Variants in HECA observed in about 807,000 individuals in gnomAD.
HECA encodes HECA ribonucleoprotein granule regulator.
HECA carries 13 observed loss-of-function variants against 37.6 expected under a neutral mutation model. The ratio of observed to expected loss-of-function variants is 0.35; its 90% CI spans 0.23 to 0.55. HECA has a LOEUF of 0.55. HECA is among the 20% of genes least tolerant of loss of function. HECA has a pLI of 0.90. For synonymous variants in HECA, 307 were observed against 291.5 expected (o/e 1.05, Z -0.54); for missense variants, 527 against 701.9 (o/e 0.75, Z 2.82).
chr6:139,141,690 C>T (rs1297456726), intron 1 of HECA, among the ~76,000 whole-genome samples: 1 of 151,878 alleles, frequency 6.6e-6, no homozygotes, highest in Non-Finnish European at 1.5e-5. Flanking sequence ...GAACTTGTTC[C>T]TTCAAGCACT....
intron 1 of HECA, among the ~76,000 whole-genome samples, chr6:139,163,419 A>G (rs9484241): frequency 0.094 from 14,150 of 150,756 alleles, 989 homozygotes; most frequent in Admixed American, 0.19. Flanking sequence ...CAGTGGCACA[A>G]TCTCTACTCA....
rs917078350 is a variant in HECA, at chr6:139,167,209, C to T, written c.1197C>T (p.Ala399=). The T allele has an allele frequency of 1.9e-6, 3 of 1,613,994 alleles. No individual in the cohort carries two copies. The highest frequency in any genetic ancestry group is 1.7e-6 in the Non-Finnish European group (2 of 1,180,030). ...GCCACAGAAACGTGGTAAACTGTGC[C>T]CTGTGCCACCGGGCGCTCCCGGTGT... ...SASHRNVVNC[A]LCHRALPVFE... Residue 399 remains alanine, a synonymous_variant, in exon 2 of 4, where the codon GCC becomes GCT. Transcript: ENST00000367658.
At chr6:139,155,527 T>C (rs1259619557) in intron 1 of HECA, 3 of 152,218 alleles carry the variant, frequency 2.0e-5, no homozygotes, top group Non-Finnish European at 4.4e-5. Flanking sequence ...ACGGAGTTCA[T>C]TGTTGAATCA....
In HECA at chr6:139,135,377, C is replaced by A. The variant is rs752281828; in HGVS notation, c.-20C>A. 28 of 1,353,064 alleles carry A rather than the reference C, an allele frequency of 2.1e-5. No homozygotes were observed. In the African/African-American group the frequency reaches 4.2e-4, roughly 20 times the overall value. 83.8% of individuals were successfully genotyped at this position (1,353,064 alleles called of 1,614,324 possible). The stretch of plus-strand genomic sequence containing the variant: ...CGCCTTCGCTGACGCCGGGCACCTA[C>A]CTGGACGCGAGCGAGCGAGATGCCC... On this transcript the variant is annotated 5_prime_UTR_variant, in exon 1 of 4. Transcript: ENST00000367658.
rs1185930799 is a variant in HECA, at chr6:139,166,393, C to T, written c.381C>T (p.Thr127=). 6.2e-7 allele frequency: 1 copy of T among 1,614,218 alleles called. No individual in the cohort carries two copies. The highest frequency in any genetic ancestry group is 2.2e-5 in the East Asian group (1 of 44,884). ...ACAACGAGCACTGCCCCTGCAGCAC[C>T]TGGATGCACCTGCAGTGCTTCTACG... ...VCNNEHCPCS[T]WMHLQCFYEW... is the part of the protein sequence containing the mutation. Residue 127 remains threonine (T), a synonymous_variant, in exon 2 of 4, where the codon ACC becomes ACT. Coordinates refer to ENST00000367658, the MANE Select transcript of HECA (RefSeq NM_016217.3).
chr6:139,173,340 G>A (rs1283760008), intron 2 of HECA, among the ~76,000 whole-genome samples: 1 of 152,154 alleles, frequency 6.6e-6, no homozygotes. Flanking sequence ...GAGTCTACAA[G>A]GATGACTAAG....
chr6:139,151,495 C>T (rs1210451211), intron 1 of HECA, among the ~76,000 whole-genome samples: 1 of 152,124 alleles, frequency 6.6e-6, no homozygotes, highest in Non-Finnish European at 1.5e-5. Context: ...TTTTCTGCTA[C>T]TTAATTTGAT....
chr6:139,144,291 C>G (rs1048675643), intron 1 of HECA: 1 of 152,142 alleles, frequency 6.6e-6, no homozygotes, highest in Non-Finnish European at 1.5e-5. Context: ...GAATCCATAC[C>G]ATCAAGGGCT....
intron 1 of HECA, among the ~76,000 whole-genome samples, chr6:139,145,790 G>A (rs1036222247): frequency 2.0e-5 from 3 of 152,158 alleles, no homozygotes; most frequent in Admixed American, 1.3e-4. Context: ...ATAAGTGGGC[G>A]TTTAGGAGAA....
chr6:139,153,679 A>G (rs1562244830), intron 1 of HECA, among the ~76,000 whole-genome samples: 1 of 152,118 alleles, frequency 6.6e-6, no homozygotes, highest in Non-Finnish European at 1.5e-5. Flanking sequence ...TCAGCCTCCC[A>G]AAGTGCTGGG....
At chr6:139,156,470 A>G (rs888368586) in intron 1 of HECA, among the ~76,000 whole-genome samples, 1 of 152,194 alleles carries the variant, frequency 6.6e-6, no homozygotes, top group Non-Finnish European at 1.5e-5. Context: ...TTGGCCTCTT[A>G]AAATGCTGGA....
intron 1 of HECA, among the ~76,000 whole-genome samples, chr6:139,150,459 G>A (rs1469495390): frequency 7.9e-6 from 1 of 126,402 alleles, no homozygotes; most frequent in Admixed American, 8.0e-5. Flanking sequence ...ATGACTTTGG[G>A]GGTGAGAGTG....
At chr6:139,164,770 A>C (rs1178985991) in intron 1 of HECA, among the ~76,000 whole-genome samples, 1 of 151,968 alleles carries the variant, frequency 6.6e-6, no homozygotes, top group Non-Finnish European at 1.5e-5. Context: ...CCCAGCCTGT[A>C]AGCCACACTA....
intron 1 of HECA, chr6:139,155,706 C>T (rs1021682001): frequency 6.6e-6 from 1 of 152,112 alleles, no homozygotes; most frequent in Non-Finnish European, 1.5e-5. Flanking sequence ...AGTGCATTTT[C>T]GTGCTAGGAT....
At chr6:139,148,948 A>G (rs1277362890) in intron 1 of HECA, among the ~76,000 whole-genome samples, 1 of 152,102 alleles carries the variant, frequency 6.6e-6, no homozygotes, top group African/African-American at 2.4e-5. Context: ...ACTTGTAGAT[A>G]AAGACTCATT....
At position 139,140,939 on chromosome 6, in the gene HECA, C is replaced by T. The variant is rs572518168; in HGVS notation, c.271+5272C>T. Among the ~76,000 whole-genome samples the T allele has an allele frequency of 3.3e-5, 5 of 152,126 alleles. No individual in the cohort carries two copies. In the South Asian group the frequency reaches 1.0e-3, roughly 32 times the overall value. On this transcript the variant is annotated intron_variant, in intron 1 of 3. Transcript: ENST00000367658. ...CGGAGTAGCTGGGACTACAGGCACC[C>T]GCCACAATGCCCGGCTAATTTTTTG...
intron 1 of HECA, among the ~76,000 whole-genome samples, chr6:139,164,318 G>T (rs1390909622): frequency 1.3e-5 from 2 of 152,048 alleles, no homozygotes; most frequent in African/African-American, 4.8e-5. Context: ...GTTCCCAATT[G>T]GGAGAGTAGT....
Position 139,177,101 on chromosome 6 carries a change from A to T in HECA, c.1628A>T (p.Tyr543Phe), listed in dbSNP as rs752905042. Residue 543 changes from tyrosine to phenylalanine, a missense_variant, in exon 4 of 4, where the codon TAT becomes TTT. Physicochemically the swap from Tyr to Phe is conservative, Grantham distance 22. This residue lies in a region of HECA where 106 missense variants were observed against 193.4 expected (regional missense o/e 0.55). Transcript: ENST00000367658. This position sits in a 1 kb window ranked among gnomAD's most constrained non-coding sequence, Gnocchi z 4.9. The part of the protein sequence containing the change: ...PFSSFKVLEA[Y>F] ...TCCTCCTTCAAAGTTCTCGAAGCTTATTGATGAAAGCTTTGCTTTAGTAAT... is the reference window on the plus strand; with the variant it reads ...TCCTCCTTCAAAGTTCTCGAAGCTTTTTGATGAAAGCTTTGCTTTAGTAAT... 2.4e-6 allele frequency: 2 copies of T among 849,106 alleles called. No homozygotes were observed. Among genetic ancestry groups the T allele is most frequent in the Non-Finnish European group, 4.1e-6 (2 of 482,510 alleles). The allele number at this position is 849,106 out of a possible 1,614,324, so 52.6% of individuals were successfully genotyped here.
At chr6:139,168,414 T>C (rs1774923840) in intron 2 of HECA, among the ~76,000 whole-genome samples, 1 of 150,822 alleles carries the variant, frequency 6.6e-6, no homozygotes, top group Non-Finnish European at 1.5e-5. Context: ...TTGATTATTT[T>C]GATTTGCATA....
Sources: gnomAD v4.1 joint callset for allele counts (sites outside exome capture counted in the v4.1 genomes callset) on GRCh38, gnomAD v4.1.1 for gene constraint, gnomAD v4.1.1 regional missense constraint, Gnocchi (gnomAD v3.1) non-coding constraint, MANE v1.5 for transcripts, NCBI Gene and HGNC (gene_info 2026-07-23, HGNC 2026-07-21) for gene names.